SETBP1: variants seen among roughly 807,000 people sequenced by gnomAD.
SETBP1 encodes SET binding protein 1.
Under a neutral mutation model 101.0 loss-of-function variants are expected in SETBP1, and 9 were observed. The observed-to-expected ratio is 0.09, with a 90% CI of 0.05 to 0.16. The LOEUF (loss-of-function observed/expected upper bound fraction) is 0.16, where lower values mean the gene tolerates loss of function less well. Among genes scored for constraint, SETBP1 ranks in the 10% least tolerant of loss-of-function variants. SETBP1 has a pLI of 1.00. For missense variants in SETBP1, 1,858 were observed against 2,033.8 expected, an observed-to-expected ratio of 0.91 and a Z score of 1.66; for synonymous variants, 818 against 788.5, an observed-to-expected ratio of 1.04 and a Z score of -0.63.
intron 3 of SETBP1, among the ~76,000 whole-genome samples, chr18:44,930,197 G>T (rs899987073): frequency 2.0e-5 from 3 of 152,198 alleles, no homozygotes; most frequent in Non-Finnish European, 4.4e-5. Flanking sequence ...AGATATTCAT[G>T]TGGTTTTTGT....
At chr18:44,891,902 T>C (rs2069779837) in intron 3 of SETBP1, among the ~76,000 whole-genome samples, 1 of 152,140 alleles carries the variant, frequency 6.6e-6, no homozygotes. Context: ...TTTTTGAACG[T>C]TTGAACATTG....
upstream of SETBP1, chr18:44,680,281 G>A (rs2068737159): frequency 1.3e-5 from 2 of 149,912 alleles, no homozygotes; most frequent in South Asian, 4.2e-4. Flanking sequence ...CCGTTTGACA[G>A]ATGCTCATCG....
chr18:44,921,047 C>A (rs2070569194), intron 3 of SETBP1, among the ~76,000 whole-genome samples: 1 of 152,182 alleles, frequency 6.6e-6, no homozygotes, highest in African/African-American at 2.4e-5. Context: ...CTCTGGTTCT[C>A]AGTTTCTTTA....
chr18:44,706,093 G>C (rs1568100205), intron 2 of SETBP1, among the ~76,000 whole-genome samples: 1 of 152,142 alleles, frequency 6.6e-6, no homozygotes, highest in Non-Finnish European at 1.5e-5. Flanking sequence ...AGCTACTTCG[G>C]GGCCTCTGAA....
intron 4 of SETBP1, among the ~76,000 whole-genome samples, chr18:45,036,286 T>C (rs537447127): frequency 3.3e-5 from 5 of 150,326 alleles, no homozygotes; most frequent in Non-Finnish European, 7.4e-5. Context: ...TAAGCCAAGA[T>C]TGCACCACTG....
intron 2 of SETBP1, among the ~76,000 whole-genome samples, chr18:44,782,592 C>T (rs1482627463): frequency 6.6e-6 from 1 of 152,006 alleles, no homozygotes; most frequent in African/African-American, 2.4e-5. Context: ...TGTTGGGACT[C>T]CAGAGGGGGG....
At chr18:44,728,604 A>G (rs771604456) in intron 2 of SETBP1, among the ~76,000 whole-genome samples, 33 of 152,196 alleles carry the variant, frequency 2.2e-4, no homozygotes, top group Admixed American at 4.6e-4. Flanking sequence ...TGAGTCAGAT[A>G]GGCAAATAAA....
intron 3 of SETBP1, among the ~76,000 whole-genome samples, chr18:44,933,251 A>C (rs1436864439): frequency 6.6e-6 from 1 of 152,228 alleles, no homozygotes; most frequent in African/African-American, 2.4e-5. Context: ...TCACCAGCGG[A>C]GGCTGCAGAA....
chr18:44,700,243 CCTAA>C (rs1321563415), intron 1 of SETBP1, among the ~76,000 whole-genome samples: 1 of 151,990 alleles, frequency 6.6e-6, no homozygotes, highest in Non-Finnish European at 1.5e-5. Flanking sequence ...TTGGAGAGAG[CCTAA>C]CTGATTTTTC....
At chr18:44,761,675 T>C (rs16978159) in intron 2 of SETBP1, among the ~76,000 whole-genome samples, 6,778 of 152,302 alleles carry the variant, frequency 0.045, 211 homozygotes, top group South Asian at 0.11. Context: ...TATGTCAGTG[T>C]ATTTCTTAAG....
Position 44,701,931 on chromosome 18 carries a change from T to TA in SETBP1, c.486+100dup. 2.2e-6 allele frequency: 3 copies of TA among 1,376,576 alleles called. No homozygotes were observed. The South Asian group carries it at 3.8e-5, about 18-fold the overall frequency. 85.3% of individuals were successfully genotyped at this position (1,376,576 alleles called of 1,614,324 possible). On this transcript the variant is annotated intron_variant, in intron 2 of 5. Coordinates refer to ENST00000649279, the MANE Select transcript of SETBP1 (RefSeq NM_015559.3). ...TCTATTTATATATTATATTTGACTC[T>TA]AGAACAACGTGGGGTTGGGGATTCA...
At chr18:44,689,535 G>A (rs1206909351) in intron 1 of SETBP1, among the ~76,000 whole-genome samples, 1 of 152,216 alleles carries the variant, frequency 6.6e-6, no homozygotes, top group African/African-American at 2.4e-5. Flanking sequence ...TGGGTGCCAT[G>A]GGGATCCCAA....
At position 44,963,540 on chromosome 18, in the gene SETBP1, A is replaced by C. The variant is rs1337253063; in HGVS notation, c.4000+10200A>C. On this transcript the variant is annotated intron_variant, in intron 4 of 5. Coordinates refer to ENST00000649279, the MANE Select transcript of SETBP1 (RefSeq NM_015559.3). ...TAAATCTTTGTTTTTTTTAATTACA[A>C]TTTAAGGGGCTTTACCCACCTACTG... Among the ~76,000 whole-genome samples, 3 of 152,152 alleles carry C rather than the reference A, an allele frequency of 2.0e-5. No homozygotes were observed. The East Asian group carries it at 5.8e-4, about 29-fold the overall frequency.
intron 4 of SETBP1, among the ~76,000 whole-genome samples, chr18:44,957,195 G>A (rs2071504784): frequency 6.6e-6 from 1 of 152,072 alleles, no homozygotes; most frequent in South Asian, 2.1e-4. Flanking sequence ...ATACTCCAGG[G>A]GTGACAATGC....
chr18:44,799,682 A>T (rs1217312845), intron 2 of SETBP1, among the ~76,000 whole-genome samples: 4 of 152,146 alleles, frequency 2.6e-5, no homozygotes, highest in Non-Finnish European at 4.4e-5. Context: ...AGCTAAAAAG[A>T]GGGCACAAGC....
At chr18:44,998,911 T>C (rs2072557596) in intron 4 of SETBP1, among the ~76,000 whole-genome samples, 1 of 152,214 alleles carries the variant, frequency 6.6e-6, no homozygotes, top group South Asian at 2.1e-4. Context: ...CAAAAAGACA[T>C]GGACAGAGCT....
Position 44,951,014 on chromosome 18 carries a change from C to T in SETBP1, c.1674C>T (p.Pro558=), listed in dbSNP as rs1188088435. ...CCTCTGATAAACTGATGCTGGAGCC[C>T]CCGTCTGCATATCCCATCACCCCAT... is the stretch of plus-strand genomic sequence containing the variant. ...MATSDKLMLE[P]PSAYPITPSS... The change falls in exon 4 of 6, where the codon CCC becomes CCT. Residue 558 remains proline (P), a synonymous_variant. Transcript: ENST00000649279. The surrounding 1 kb of genome is among the most constrained non-coding windows in gnomAD (Gnocchi z 7.8). The T allele has an allele frequency of 6.2e-7, 1 of 1,614,012 alleles. No homozygotes were observed. Among genetic ancestry groups the T allele is most frequent in the Non-Finnish European group, 8.5e-7 (1 of 1,180,030 alleles).
chr18:44,946,743 C>T (rs150397104), intron 3 of SETBP1, among the ~76,000 whole-genome samples: 268 of 152,148 alleles, frequency 1.8e-3, no homozygotes, highest in African/African-American at 6.1e-3. Context: ...TTGTAGTAGG[C>T]CTTAGGGATA....
intron 2 of SETBP1, among the ~76,000 whole-genome samples, chr18:44,729,500 A>G (rs2069788575): frequency 6.6e-6 from 1 of 152,236 alleles, no homozygotes; most frequent in South Asian, 2.1e-4. Context: ...GCGGAATTTA[A>G]GATATCTCCT....
Sources: allele counts gnomAD v4.1 joint callset (sites outside exome capture counted in the v4.1 genomes callset), GRCh38; gene constraint gnomAD v4.1.1; non-coding constraint Gnocchi (gnomAD v3.1); transcripts MANE v1.5; gene names NCBI Gene and HGNC (gene_info 2026-07-23, HGNC 2026-07-21).